Variants in RANBP2 observed in about 807,000 individuals in gnomAD.
The protein encoded by RANBP2 is RAN binding protein 2.
A neutral mutation model predicts 303.6 loss-of-function variants in RANBP2; 57 were observed. The ratio of observed to expected loss-of-function variants is 0.19; its 90% CI spans 0.15 to 0.23. RANBP2 has a LOEUF of 0.23. RANBP2 is among the 10% of genes least tolerant of loss of function. The probability of loss-of-function intolerance (pLI) is 1.00; values close to 1 mark genes in which losing one functional copy is unlikely to be tolerated. For missense variants in RANBP2, 3,138 were observed against 3,780.8 expected (o/e 0.83, Z 4.46); for synonymous variants, 1,167 against 1,301.5 (o/e 0.90, Z 2.23).
chr2:109,548,416 TGGCTCATTGAGGTTTACA>T, the RANBP2 span, among the ~76,000 whole-genome samples: 1 of 152,138 alleles, frequency 6.6e-6, no homozygotes, highest in Non-Finnish European at 1.5e-5. Context: ...CTGGGCGTGA[TGGCTCATTGAGGTTTACA>T]GGCTCATTGG....
the RANBP2 span, among the ~76,000 whole-genome samples, chr2:109,003,747 C>G: frequency 1.3e-5 from 2 of 152,182 alleles, no homozygotes; most frequent in African/African-American, 4.8e-5. Flanking sequence ...ACATCAAATA[C>G]CCATGTCTCC....
chr2:109,357,880 A>G, the RANBP2 span, among the ~76,000 whole-genome samples: 2 of 152,176 alleles, frequency 1.3e-5, no homozygotes, highest in South Asian at 2.1e-4. Flanking sequence ...CACTCACCAG[A>G]GTTAGTGCAT....
the RANBP2 span, among the ~76,000 whole-genome samples, chr2:109,682,065 T>C: frequency 6.6e-6 from 1 of 152,164 alleles, no homozygotes; most frequent in African/African-American, 2.4e-5. Context: ...CCAGACTAGT[T>C]GAGGAAACAG....
the RANBP2 span, among the ~76,000 whole-genome samples, chr2:109,267,000 T>A: frequency 6.6e-6 from 1 of 152,184 alleles, no homozygotes; most frequent in Non-Finnish European, 1.5e-5. Flanking sequence ...TTTATAAGAC[T>A]TGAAGAACAA....
chr2:108,828,551 A>G, the RANBP2 span, among the ~76,000 whole-genome samples: 2 of 152,232 alleles, frequency 1.3e-5, no homozygotes, highest in Admixed American at 1.3e-4. Context: ...GCCCTCACAT[A>G]TAGTCCAATG....
chr2:109,487,281 C>T, the RANBP2 span, among the ~76,000 whole-genome samples: 1 of 152,224 alleles, frequency 6.6e-6, no homozygotes, highest in South Asian at 2.1e-4. Flanking sequence ...ATGAGCCTCT[C>T]CCCGAGTACA....
At chr2:108,861,770 C>T in the RANBP2 span, among the ~76,000 whole-genome samples, 6 of 152,132 alleles carry the variant, frequency 3.9e-5, no homozygotes, top group East Asian at 5.8e-4. Context: ...CGTGAGCCAC[C>T]GCGCCCGGCC....
the RANBP2 span, among the ~76,000 whole-genome samples, chr2:109,058,713 A>G: frequency 6.6e-6 from 1 of 152,218 alleles, no homozygotes; most frequent in South Asian, 2.1e-4. Context: ...AATTATGATA[A>G]ACAGGCCTCT....
chr2:108,892,279 T>C, the RANBP2 span, among the ~76,000 whole-genome samples: 1 of 152,186 alleles, frequency 6.6e-6, no homozygotes, highest in Admixed American at 6.5e-5. Context: ...CCACCCTGGC[T>C]GCAGGAGGCC....
chr2:109,046,391 TTTTTCTTTTC>T, the RANBP2 span, among the ~76,000 whole-genome samples: 1 of 150,804 alleles, frequency 6.6e-6, no homozygotes, highest in African/African-American at 2.4e-5. Context: ...AAACTTACTT[TTTTTCTTTTC>T]TTTTCTTTTC....
At chr2:108,868,934 T>A in the RANBP2 span, among the ~76,000 whole-genome samples, 1 of 152,174 alleles carries the variant, frequency 6.6e-6, no homozygotes, top group Non-Finnish European at 1.5e-5. Context: ...TCTATTTGAT[T>A]AAGCTATAAG....
the RANBP2 span, among the ~76,000 whole-genome samples, chr2:109,721,387 A>G: frequency 6.6e-6 from 1 of 152,224 alleles, no homozygotes; most frequent in Non-Finnish European, 1.5e-5. Context: ...GCAGACTCAT[A>G]AAAGCTAAGC....
the RANBP2 span, among the ~76,000 whole-genome samples, chr2:109,212,763 C>T: frequency 2.0e-5 from 3 of 152,190 alleles, no homozygotes; most frequent in South Asian, 2.1e-4. Context: ...GCCTTCTCCC[C>T]CACCCGTCAG....
chr2:109,419,533 T>C, the RANBP2 span: 1 of 1,588,250 alleles, frequency 6.3e-7, no homozygotes, highest in African/African-American at 1.3e-5. Flanking sequence ...TCTTGTCTGT[T>C]TCCAGGATGT....
At chr2:109,724,505 T>A in the RANBP2 span, among the ~76,000 whole-genome samples, 1 of 152,160 alleles carries the variant, frequency 6.6e-6, no homozygotes, top group Non-Finnish European at 1.5e-5. Context: ...TGGACACAGT[T>A]ATTTCAACAT....
the RANBP2 span, among the ~76,000 whole-genome samples, chr2:109,375,054 G>A: frequency 6.6e-5 from 10 of 152,294 alleles, no homozygotes; most frequent in African/African-American, 2.2e-4. Context: ...GGTGGACCCC[G>A]CCCTGGACAT....
the RANBP2 span, among the ~76,000 whole-genome samples, chr2:109,194,316 C>T: frequency 2.6e-5 from 4 of 152,236 alleles, no homozygotes; most frequent in African/African-American, 9.6e-5. Context: ...CTTTCGAAAG[C>T]TTGGGCTGCG....
At chr2:109,614,565 G>A in the RANBP2 span, 1 of 1,336,468 alleles carries the variant, frequency 7.5e-7, no homozygotes, top group Non-Finnish European at 9.5e-7. Flanking sequence ...GGCGGAGCGC[G>A]GGGGCCGGGC....
the RANBP2 span, among the ~76,000 whole-genome samples, chr2:109,080,883 G>A: frequency 6.6e-6 from 1 of 152,234 alleles, no homozygotes; most frequent in Non-Finnish European, 1.5e-5. Context: ...AAAAGGAACA[G>A]AAATGTATTA....
Sources: gnomAD v4.1 joint callset for allele counts (sites outside exome capture counted in the v4.1 genomes callset) on GRCh38, gnomAD v4.1.1 for gene constraint, MANE v1.5 for transcripts, NCBI Gene and HGNC (gene_info 2026-07-23, HGNC 2026-07-21) for gene names.